Variants in PTPRD observed in about 807,000 individuals in gnomAD.
The protein encoded by PTPRD is protein tyrosine phosphatase receptor type D, also known as receptor-type tyrosine-protein phosphatase delta.
In PTPRD, 34 loss-of-function variants were observed where a neutral mutation model predicts 214.5. That is an observed-to-expected ratio of 0.16 (90% CI 0.12 to 0.21). The LOEUF is 0.21. Ranked by LOEUF, PTPRD falls within the 10% of genes least tolerant of loss-of-function variation. The probability of loss-of-function intolerance (pLI) is 1.00; values close to 1 mark genes in which losing one functional copy is unlikely to be tolerated. For missense variants in PTPRD, 2,545 were observed against 2,398.7 expected (o/e 1.06, Z -1.27); for synonymous variants, 1,128 against 845.7 (o/e 1.33, Z -5.79).
At chr9:9,951,985 G>A (rs988133041) in intron 4 of PTPRD, among the ~76,000 whole-genome samples, 1 of 152,178 alleles carries the variant, frequency 6.6e-6, no homozygotes, top group Non-Finnish European at 1.5e-5. Context: ...CCCCCTTGAA[G>A]TCTGCACACA....
At chr9:9,807,265 T>C (rs561729813) in intron 5 of PTPRD, among the ~76,000 whole-genome samples, 2 of 152,262 alleles carry the variant, frequency 1.3e-5, no homozygotes, top group South Asian at 4.1e-4. Flanking sequence ...TGGTGGAAGA[T>C]ACCCTACAAA....
intron 39 of PTPRD, among the ~76,000 whole-genome samples, chr9:8,344,180 G>A (rs562766261): frequency 4.5e-4 from 68 of 152,156 alleles, no homozygotes; most frequent in Non-Finnish European, 8.2e-4. Flanking sequence ...TTTCTAAATT[G>A]TCTTCATTGC....
chr9:10,421,590 G>C (rs900898806), intron 2 of PTPRD, among the ~76,000 whole-genome samples: 1 of 151,726 alleles, frequency 6.6e-6, no homozygotes, highest in South Asian at 2.1e-4. Flanking sequence ...ACGTGGTCCA[G>C]TTTAGGTTTT....
chr9:9,724,839 A>T (rs1193315757), intron 7 of PTPRD, among the ~76,000 whole-genome samples: 1 of 152,138 alleles, frequency 6.6e-6, no homozygotes, highest in African/African-American at 2.4e-5. Flanking sequence ...GTAACAAGTG[A>T]TATAGCTGGG....
chr9:9,911,485 GGTTT>G (rs1215575592), intron 5 of PTPRD, among the ~76,000 whole-genome samples: 1 of 64,970 alleles, frequency 1.5e-5, no homozygotes, highest in Non-Finnish European at 2.8e-5. Context: ...TATGGTTTGG[GGTTT>G]GTTACCCCAA....
At chr9:9,120,082 A>C (rs1157613113) in intron 10 of PTPRD, among the ~76,000 whole-genome samples, 3 of 152,202 alleles carry the variant, frequency 2.0e-5, no homozygotes, top group African/African-American at 7.2e-5. Flanking sequence ...CAACAGGTAG[A>C]CATCAAGTAA....
intron 35 of PTPRD, among the ~76,000 whole-genome samples, chr9:8,424,854 T>C (rs1337009175): frequency 6.6e-6 from 1 of 152,236 alleles, no homozygotes; most frequent in Middle Eastern, 3.4e-3. Context: ...GCAAGTGATA[T>C]ATAATAAAGT....
At chr9:8,557,413 CTTTA>C (rs780011471) in intron 14 of PTPRD, among the ~76,000 whole-genome samples, 29 of 137,794 alleles carry the variant, frequency 2.1e-4, no homozygotes, top group Non-Finnish European at 2.7e-4. Flanking sequence ...AAACAAAACT[CTTTA>C]TTTTTCATTT....
At chr9:9,487,767 T>C (rs2095712988) in intron 8 of PTPRD, among the ~76,000 whole-genome samples, 2 of 152,138 alleles carry the variant, frequency 1.3e-5, no homozygotes, top group Non-Finnish European at 2.9e-5. Flanking sequence ...TTACAATATA[T>C]ACACTTAGAT....
chr9:10,598,706 T>TG (rs1165519295), intron 2 of PTPRD, among the ~76,000 whole-genome samples: 34 of 61,846 alleles, frequency 5.5e-4, no homozygotes, highest in African/African-American at 1.3e-3. Flanking sequence ...GTGTGTGTGG[T>TG]GTGTGGTGTG....
At chr9:9,427,377 G>T (rs1415918210) in intron 8 of PTPRD, among the ~76,000 whole-genome samples, 1 of 152,172 alleles carries the variant, frequency 6.6e-6, no homozygotes, top group African/African-American at 2.4e-5. Flanking sequence ...AGAGTAAAAA[G>T]AAATGAACAA....
At chr9:9,331,142 G>A (rs1463260834) in intron 9 of PTPRD, among the ~76,000 whole-genome samples, 1 of 151,968 alleles carries the variant, frequency 6.6e-6, no homozygotes, top group African/African-American at 2.4e-5. Flanking sequence ...TCATGTCTCG[G>A]ATTGCCATGT....
intron 2 of PTPRD, among the ~76,000 whole-genome samples, chr9:10,473,244 G>A (rs936999267): frequency 4.6e-5 from 7 of 152,042 alleles, no homozygotes; most frequent in African/African-American, 1.2e-4. Context: ...GGTTATCATG[G>A]AGAGGTAGAT....
At chr9:9,661,830 T>C (rs1008670294) in intron 7 of PTPRD, among the ~76,000 whole-genome samples, 17 of 151,640 alleles carry the variant, frequency 1.1e-4, no homozygotes, top group African/African-American at 3.6e-4. Context: ...AAAAAGACCT[T>C]GTGTAAATAA....
At chr9:9,623,856 A>T (rs2095329226) in intron 7 of PTPRD, among the ~76,000 whole-genome samples, 1 of 152,238 alleles carries the variant, frequency 6.6e-6, no homozygotes, top group Admixed American at 6.5e-5. Flanking sequence ...CAACTATTCT[A>T]CAATATTTTT....
At position 10,550,566 on chromosome 9, in the gene PTPRD, C is replaced by G. The variant is rs142449774; in HGVS notation, c.-600+61832G>C. ...TAGAACCTACCTCAGAATTACCACA[C>G]TGAAAGACAGGAAGGCTGGTAAAAT... On this transcript the variant is annotated intron_variant, in intron 2 of 45. Transcript: ENST00000381196. Among the ~76,000 whole-genome samples, 11 of 152,302 alleles carry G rather than the reference C, an allele frequency of 7.2e-5. 1 individual carries two copies. The East Asian group carries it at 2.1e-3, about 29-fold the overall frequency.
chr9:8,637,073 G>A (rs538332877), intron 12 of PTPRD, among the ~76,000 whole-genome samples: 1 of 152,240 alleles, frequency 6.6e-6, no homozygotes, highest in East Asian at 1.9e-4. Context: ...TTTTATTGCT[G>A]AAATCTGTAT....
At chr9:9,894,260 C>G (rs1409782787) in intron 5 of PTPRD, among the ~76,000 whole-genome samples, 1 of 152,012 alleles carries the variant, frequency 6.6e-6, no homozygotes, top group African/African-American at 2.4e-5. Context: ...CCACTCAGCC[C>G]CAGATTTCTT....
intron 39 of PTPRD, among the ~76,000 whole-genome samples, chr9:8,350,889 A>G (rs2133184571): frequency 6.6e-6 from 1 of 152,332 alleles, no homozygotes; most frequent in East Asian, 1.9e-4. Context: ...TAGTTATAGC[A>G]GTTTTAAGGG....
Sources: allele counts gnomAD v4.1 joint callset (sites outside exome capture counted in the v4.1 genomes callset), GRCh38; gene constraint gnomAD v4.1.1; transcripts MANE v1.5; gene names NCBI Gene and HGNC (gene_info 2026-07-23, HGNC 2026-07-21).